AKAP8L: variants seen among roughly 807,000 people sequenced by gnomAD.
The protein encoded by AKAP8L is A-kinase anchoring protein 8 like, also known as A-kinase anchor protein 8-like.
In AKAP8L, 34 loss-of-function variants were observed where a neutral mutation model predicts 77.5. The ratio of observed to expected loss-of-function variants is 0.44; its 90% CI spans 0.33 to 0.58. The LOEUF (loss-of-function observed/expected upper bound fraction) is 0.58. Ranked by LOEUF, AKAP8L falls within the 20% of genes least tolerant of loss-of-function variation. The pLI, the probability that AKAP8L is intolerant of heterozygous loss-of-function variation, is 0.02. For missense variants in AKAP8L, 806 were observed against 887.6 expected, an observed-to-expected ratio of 0.91 and a Z score of 1.17; for synonymous variants, 342 against 340.7, an observed-to-expected ratio of 1.00 and a Z score of -0.04.
intron 1 of AKAP8L, among the ~76,000 whole-genome samples, chr19:15,418,318 A>C (rs1968250033): frequency 6.6e-6 from 1 of 152,160 alleles, no homozygotes; most frequent in Non-Finnish European, 1.5e-5. Context: ...TTAACATGGA[A>C]CCTTGTCATT....
Position 15,397,903 on chromosome 19 carries a change from G to T in AKAP8L, c.1158-48C>A. On this transcript the variant is annotated intron_variant, in intron 9 of 13. Transcript: ENST00000397410. The surrounding 1 kb of genome is among the most constrained non-coding windows in gnomAD (Gnocchi z 4.7). ...GGCTGAGGCTGCAAGTGTCCCAGGG[G>T]ATAGTGCTGCCGCCTCACCCAACCC... The T allele has an allele frequency of 1.9e-6, 3 of 1,595,052 alleles. No individual in the cohort carries two copies. The highest frequency in any genetic ancestry group is 2.6e-6 in the Non-Finnish European group (3 of 1,171,188).
intron 12 of AKAP8L, among the ~76,000 whole-genome samples, chr19:15,382,480 G>A (rs1967439933): frequency 6.6e-6 from 1 of 152,126 alleles, no homozygotes; most frequent in African/African-American, 2.4e-5. Flanking sequence ...TGTGATTACA[G>A]GCGTGAGCCA....
chr19:15,380,195 A>G lies in AKAP8L; in HGVS notation c.1868T>C (p.Leu623Pro). ...EGAVPLLGGA[L>P]QRQIRGIPGL... Reference sequence around the variant, plus strand: ...CGGGATGCCGCGGATCTGGCGTTGCAGCGCCCCTCCCAGCAAGGGCACGGC... The same window carrying G: ...CGGGATGCCGCGGATCTGGCGTTGCGGCGCCCCTCCCAGCAAGGGCACGGC... The change falls in exon 14 of 14, where the codon CTG (leucine) becomes CCG (proline). Residue 623 changes from leucine (L) to proline (P), a missense_variant. Transcript: ENST00000397410. 1 of 1,506,316 alleles carries G rather than the reference A, an allele frequency of 6.6e-7. No homozygotes were observed. The highest frequency in any genetic ancestry group is 8.8e-7 in the Non-Finnish European group (1 of 1,136,072). 93.3% of individuals were successfully genotyped at this position (1,506,316 alleles called of 1,614,324 possible).
rs1968274212 is a variant in AKAP8L at position 15,418,933 on chromosome 19, CAA to C, written c.-12_-11del. ...CACCTGTGTAGCTCATGGTGGCGGG[CAA>C]CACAACATCCGACGACGCCGGCTTC... On this transcript the variant is annotated 5_prime_UTR_variant, in exon 1 of 14. Coordinates refer to ENST00000397410, the MANE Select transcript of AKAP8L (RefSeq NM_014371.4). The C allele has an allele frequency of 6.2e-7, 1 of 1,604,846 alleles. No homozygotes were observed. Among genetic ancestry groups the C allele is most frequent in the Non-Finnish European group, 8.5e-7 (1 of 1,179,474 alleles).
At chr19:15,382,948 C>CT in intron 12 of AKAP8L, among the ~76,000 whole-genome samples, 1 of 152,290 alleles carries the variant, frequency 6.6e-6, no homozygotes, top group South Asian at 2.1e-4. Flanking sequence ...CCAAAATTTT[C>CT]TTTTCCAGAA....
chr19:15,406,203 G>T (rs1293285552), intron 2 of AKAP8L, among the ~76,000 whole-genome samples: 1 of 152,020 alleles, frequency 6.6e-6, no homozygotes, highest in Non-Finnish European at 1.5e-5. Flanking sequence ...GAGCAACCCA[G>T]ACTCCTTGAT....
chr19:15,401,705 T>C lies in AKAP8L; in HGVS notation c.363-102A>G, dbSNP rs1205419509. 2.2e-6 allele frequency: 2 copies of C among 926,958 alleles called. No individual in the cohort carries two copies. Among genetic ancestry groups the C allele is most frequent in the Non-Finnish European group, 3.2e-6 (2 of 632,180 alleles). The allele number at this position is 926,958 out of a possible 1,614,324, so 57.4% of individuals were successfully genotyped here. A position where few individuals can be genotyped will look rare whatever the true frequency, so the allele number is the denominator to read the frequency against. On this transcript the variant is annotated intron_variant, in intron 4 of 13. Transcript: ENST00000397410. This position sits in a 1 kb window ranked among gnomAD's most constrained non-coding sequence, Gnocchi z 6.2. Reference sequence around the variant, plus strand: ...CAATCTCCCAGTCCAGCACCCACCCTGCCCTGGTTGGGAGGCTCAATGTTC... The same window carrying C: ...CAATCTCCCAGTCCAGCACCCACCCCGCCCTGGTTGGGAGGCTCAATGTTC...
intron 1 of AKAP8L, among the ~76,000 whole-genome samples, chr19:15,415,451 T>A (rs1000628408): frequency 3.3e-5 from 5 of 151,880 alleles, no homozygotes; most frequent in African/African-American, 4.8e-5. Flanking sequence ...ACAAAACAAA[T>A]GCTTCTCAGT....
At position 15,403,772 on chromosome 19, in the gene AKAP8L, A is replaced by G. The variant is rs768681998; in HGVS notation, c.122-57T>C. 44 of 1,322,742 alleles carry G rather than the reference A, an allele frequency of 3.3e-5. No homozygotes were observed. Among genetic ancestry groups the G allele is most frequent in the Non-Finnish European group, 4.3e-5 (40 of 938,414 alleles). 81.9% of individuals were successfully genotyped at this position (1,322,742 alleles called of 1,614,324 possible). The stretch of plus-strand genomic sequence containing the variant: ...GTGGGGGCAGGCAGAGGGGAGGCAG[A>G]CAGAGACAGAGACAAACACAGATAC... On this transcript the variant is annotated intron_variant, in intron 3 of 13. Transcript: ENST00000397410. This position sits in a 1 kb window ranked among gnomAD's most constrained non-coding sequence, Gnocchi z 4.3.
At chr19:15,407,073 T>G (rs1199415395) in intron 2 of AKAP8L, among the ~76,000 whole-genome samples, 1 of 151,896 alleles carries the variant, frequency 6.6e-6, no homozygotes, top group Admixed American at 6.6e-5. Context: ...CTGGGCAACA[T>G]AGCAAAACCC....
intron 1 of AKAP8L, among the ~76,000 whole-genome samples, chr19:15,415,134 C>T (rs966515717): frequency 6.6e-6 from 1 of 152,002 alleles, no homozygotes; most frequent in Non-Finnish European, 1.5e-5. Context: ...ACTTTTTTTG[C>T]TCAAAAATAC....
In AKAP8L at chr19:15,397,803, T is replaced by C; in HGVS notation, c.1210A>G (p.Met404Val). Residue 404 changes from methionine to valine, a missense_variant, in exon 10 of 14, where the codon ATG (methionine) becomes GTG (valine). Around this residue, in one of 2 missense-constraint regions of AKAP8L, gnomAD observed 580 missense variants for 694.1 expected, o/e 0.84. Transcript: ENST00000397410. This position sits in a 1 kb window ranked among gnomAD's most constrained non-coding sequence, Gnocchi z 4.7. ...AACTTGCTGTCAAGATGGCTGGCCATCTCGTCCTCATAGAAGGTCCGGTAT... is the reference window on the plus strand; with the variant it reads ...AACTTGCTGTCAAGATGGCTGGCCACCTCGTCCTCATAGAAGGTCCGGTAT... ...CKYRTFYEDEMASHLDSKFHK... is the reference protein window; with the variant it reads ...CKYRTFYEDEVASHLDSKFHK... 1 of 1,613,952 alleles carries C rather than the reference T, an allele frequency of 6.2e-7. No individual in the cohort carries two copies.
At chr19:15,410,711 C>T (rs1177637636) in intron 1 of AKAP8L, 117 bp from the exon 2 acceptor site, 1 of 741,456 alleles carries the variant, frequency 1.3e-6, no homozygotes, top group African/African-American at 1.8e-5. Flanking sequence ...GAAAAGCCAC[C>T]AAAACCTCTA....
At position 15,380,500 on chromosome 19, in the gene AKAP8L, C is replaced by T. The variant is rs1967384711; in HGVS notation, c.1632+17G>A. The T allele has an allele frequency of 1.2e-6, 2 of 1,613,020 alleles. No individual in the cohort carries two copies. On this transcript the variant is annotated intron_variant, in intron 13 of 13. Coordinates refer to ENST00000397410, the MANE Select transcript of AKAP8L (RefSeq NM_014371.4). ...GGACTAAGCTGGGGACAGGGCAGGC[C>T]CGGACCAGTGCCTCACCTTCAGGTA...
chr19:15,385,188 G>A (rs1338730943), intron 12 of AKAP8L, among the ~76,000 whole-genome samples: 6 of 148,552 alleles, frequency 4.0e-5, no homozygotes, highest in South Asian at 2.2e-4. Flanking sequence ...CGTTTTAGCC[G>A]GGATGGTCTC....
At chr19:15,416,308 T>C (rs142465908) in intron 1 of AKAP8L, among the ~76,000 whole-genome samples, 16 of 152,296 alleles carry the variant, frequency 1.1e-4, no homozygotes, top group African/African-American at 2.6e-4. Context: ...TCCCAACTAA[T>C]AGAGCTAGCC....
chr19:15,404,141 C>G, intron 2 of AKAP8L, 99 bp from the exon 3 acceptor site: 1 of 1,234,766 alleles, frequency 8.1e-7, no homozygotes, highest in Non-Finnish European at 1.2e-6. Flanking sequence ...CTGGTCAGAG[C>G]AGGCTGCACC....
In AKAP8L at chr19:15,404,002, AC is replaced by A. The variant is rs756754011; in HGVS notation, c.121+7del. 249 of 1,613,860 alleles carry A rather than the reference AC, an allele frequency of 1.5e-4. No individual in the cohort carries two copies. The highest frequency in any genetic ancestry group is 1.9e-4 in the Non-Finnish European group (229 of 1,179,796). On this transcript the variant is annotated splice_region_variant and intron_variant, in intron 3 of 13. Coordinates refer to ENST00000397410, the MANE Select transcript of AKAP8L (RefSeq NM_014371.4). ...GGACAGGACAGCAATCACAGGAATG[AC>A]ACTTGCCTCTATTTGTCCCAGAGTT...
In AKAP8L at chr19:15,418,978, G is replaced by A. The variant is rs1278712515; in HGVS notation, c.-55C>T. ...CCGGCTTCTGCTGCTCTGAACATCC[G>A]ACGCTGCGATAGCTGCTGCTAACCA... On this transcript the variant is annotated 5_prime_UTR_variant, in exon 1 of 14. Transcript: ENST00000397410. 1 of 1,602,100 alleles carries A rather than the reference G, an allele frequency of 6.2e-7. No individual in the cohort carries two copies. The highest frequency in any genetic ancestry group is 1.1e-5 in the South Asian group (1 of 90,876).
Sources: gnomAD v4.1 joint callset for allele counts (sites outside exome capture counted in the v4.1 genomes callset) on GRCh38, gnomAD v4.1.1 for gene constraint, gnomAD v4.1.1 regional missense constraint, Gnocchi (gnomAD v3.1) non-coding constraint, MANE v1.5 for transcripts, NCBI Gene and HGNC (gene_info 2026-07-23, HGNC 2026-07-21) for gene names.